The following FNDC1 variants were observed in gnomAD, a reference collection of about 807,000 sequenced individuals.
FNDC1 encodes fibronectin type III domain-containing protein 1.
A neutral mutation model predicts 168.0 loss-of-function variants in FNDC1; 96 were observed. The observed-to-expected ratio is 0.57, with a 90% CI of 0.48 to 0.68. FNDC1 has a LOEUF of 0.68. FNDC1 is among the 30% of genes least tolerant of loss of function. The pLI is 0.00. For missense variants in FNDC1, 2,587 were observed against 2,482.1 expected (o/e 1.04, Z -0.90); for synonymous variants, 1,099 against 1,025.9 (o/e 1.07, Z -1.36).
rs1783098605 is a variant in FNDC1, at chr6:159,232,160, G to A, written c.1648G>A (p.Glu550Lys). ...TGGGGAGGAGGAGCTGGGTTCCCGG[G>A]AGGACTCGCCCATGTCACCCTCAGA... ...ITGEEELGSR[E>K]DSPMSPSDTQ... The change falls in exon 11 of 23, where the codon GAG (glutamate) becomes AAG (lysine). Residue 550 changes from glutamate (E) to lysine (K), a missense_variant. By Grantham distance (56) the Glu-to-Lys change is moderately conservative. Coordinates refer to ENST00000297267, the MANE Select transcript of FNDC1 (RefSeq NM_032532.3). The surrounding 1 kb of genome is among the most constrained non-coding windows in gnomAD (Gnocchi z 4.9). The A allele has an allele frequency of 6.2e-6, 10 of 1,613,952 alleles. No individual in the cohort carries two copies. The highest frequency in any genetic ancestry group is 8.5e-6 in the Non-Finnish European group (10 of 1,179,886).
At position 159,272,022 on chromosome 6, in the gene FNDC1, TA is replaced by T. The variant is rs1486044220; in HGVS notation, c.*581del. ...CTTATTTGTAAATTCTCAATTTTGA[TA>T]TATATATGTATATATGCATATACAT... On this transcript the variant is annotated 3_prime_UTR_variant, in exon 23 of 23. Coordinates refer to ENST00000297267, the MANE Select transcript of FNDC1 (RefSeq NM_032532.3). 1.4e-4 allele frequency: 21 copies of T among 153,054 alleles called. No homozygotes were observed. The highest frequency in any genetic ancestry group is 4.3e-4 in the African/African-American group (18 of 41,458). 9.5% of individuals were successfully genotyped at this position (153,054 alleles called of 1,614,324 possible). A position where few individuals can be genotyped will look rare whatever the true frequency, so the allele number is the denominator to read the frequency against.
intron 1 of FNDC1, among the ~76,000 whole-genome samples, chr6:159,179,099 G>T (rs958395217): frequency 6.6e-6 from 1 of 152,230 alleles, no homozygotes; most frequent in African/African-American, 2.4e-5. Flanking sequence ...AATGTACGAG[G>T]CCTCTTCCAG....
At chr6:159,231,109 C>T (rs1176308539) in intron 10 of FNDC1, among the ~76,000 whole-genome samples, 2 of 28,632 alleles carry the variant, frequency 7.0e-5, no homozygotes, top group East Asian at 3.6e-4. Context: ...GGCGCGGTGG[C>T]TCACGCCTGT....
intron 10 of FNDC1, 62 bp from the exon 11 acceptor site, chr6:159,231,820 T>C: frequency 7.1e-7 from 1 of 1,406,794 alleles, no homozygotes; most frequent in Admixed American, 2.5e-5. Flanking sequence ...ATACTGTGTC[T>C]CACCTCCGCT....
In FNDC1 at chr6:159,271,399, T is replaced by A. The variant is rs1257605158; in HGVS notation, c.5642T>A (p.Val1881Glu). The change falls in exon 23 of 23, where the codon GTG becomes GAG. Residue 1881 changes from valine (V) to glutamate (E), a missense_variant. Physicochemically the swap from Val to Glu is moderately radical, Grantham distance 121 (BLOSUM62 -2). Coordinates refer to ENST00000297267, the MANE Select transcript of FNDC1 (RefSeq NM_032532.3). ...GGCTTCGGAACCCCCTACTACTATG[T>A]GGGCTGGTACGAGTGTGGGGTCTCC... ...NIGFGTPYYYVGWYECGVSIP... is the reference protein window; with the variant it reads ...NIGFGTPYYYEGWYECGVSIP... The A allele has an allele frequency of 1.2e-6, 2 of 1,612,568 alleles. No individual in the cohort carries two copies. The highest frequency in any genetic ancestry group is 1.7e-6 in the Non-Finnish European group (2 of 1,179,388).
At chr6:159,264,750 G>A (rs975439609) in intron 19 of FNDC1, among the ~76,000 whole-genome samples, 1 of 151,970 alleles carries the variant, frequency 6.6e-6, no homozygotes, top group Non-Finnish European at 1.5e-5. Context: ...CTATTTTCAG[G>A]GATCCACAGC....
rs1483120086 is a variant in FNDC1 at position 159,233,980 on chromosome 6, G to C, written c.3468G>C (p.Pro1156=). The C allele has an allele frequency of 1.3e-6, 2 of 1,597,614 alleles. No individual in the cohort carries two copies. Among genetic ancestry groups the C allele is most frequent in the Non-Finnish European group, 8.5e-7 (1 of 1,172,528 alleles). The change falls in exon 11 of 23, where the codon CCG becomes CCC. Residue 1156 remains proline (P), a synonymous_variant. Transcript: ENST00000297267. The surrounding 1 kb of genome is among the most constrained non-coding windows in gnomAD (Gnocchi z 4.6). Reference sequence around the variant, plus strand: ...CCCGGGTACCCAGCAGGGCAGCGCCGGGGAAGTCGGAGCCTCCTTCCAAGC... The same window carrying C: ...CCCGGGTACCCAGCAGGGCAGCGCCCGGGAAGTCGGAGCCTCCTTCCAAGC... ...SRARVPSRAA[P]GKSEPPSKRP...
chr6:159,269,589 GTCTGTCTGTCTATCTATCTA>G (rs1478733074), intron 22 of FNDC1, among the ~76,000 whole-genome samples: 32 of 100,868 alleles, frequency 3.2e-4, no homozygotes, highest in African/African-American at 1.0e-3. Flanking sequence ...CTGTCTGTCT[GTCTGTCTGTCTATCTATCTA>G]TCTATCTATC....
At chr6:159,228,536 G>C (rs1009638074) in intron 9 of FNDC1, among the ~76,000 whole-genome samples, 1 of 136,010 alleles carries the variant, frequency 7.4e-6, no homozygotes, top group Non-Finnish European at 1.5e-5. Context: ...AAGCATTTTT[G>C]GTTGAAACGT....
At chr6:159,200,711 G>A (rs1034211093) in intron 4 of FNDC1, 130 bp downstream of exon 4, 72 of 676,518 alleles carry the variant, frequency 1.1e-4, no homozygotes, top group Non-Finnish European at 8.0e-5. Flanking sequence ...TAACACACAC[G>A]CCACACAGTC....
At position 159,225,642 on chromosome 6, in the gene FNDC1, A is replaced by T; in HGVS notation, c.992A>T (p.Tyr331Phe). ...GAGAACCTGATTCCAGACACTGTGT[A>T]TGAATTTGCAGTCCGTATTTCACAG... ...LIENLIPDTVYEFAVRISQGE... is the reference protein window; with the variant it reads ...LIENLIPDTVFEFAVRISQGE... Residue 331 changes from tyrosine to phenylalanine, a missense_variant, in exon 8 of 23, where the codon TAT becomes TTT. By Grantham distance (22) the Tyr-to-Phe change is conservative. Transcript: ENST00000297267. 1.9e-6 allele frequency: 3 copies of T among 1,614,022 alleles called. No homozygotes were observed. Among genetic ancestry groups the T allele is most frequent in the Non-Finnish European group, 2.5e-6 (3 of 1,179,874 alleles).
chr6:159,251,587 C>A, intron 17 of FNDC1, 55 bp downstream of exon 17: 1 of 1,483,996 alleles, frequency 6.7e-7, no homozygotes, highest in Non-Finnish European at 9.3e-7. Flanking sequence ...GAAATGTGGA[C>A]AATAAAGAAT....
intron 11 of FNDC1, among the ~76,000 whole-genome samples, chr6:159,234,961 A>T (rs1783213379): frequency 6.6e-6 from 1 of 152,246 alleles, no homozygotes; most frequent in Non-Finnish European, 1.5e-5. Flanking sequence ...ATGTAGGCTT[A>T]TCTTGTTCTT....
At chr6:159,205,619 A>G (rs549054379) in intron 4 of FNDC1, among the ~76,000 whole-genome samples, 2 of 152,316 alleles carry the variant, frequency 1.3e-5, no homozygotes, top group Non-Finnish European at 2.9e-5. Context: ...GGATTCAACA[A>G]GAGGCTTCTA....
chr6:159,169,520 C>A lies in FNDC1; in HGVS notation c.-77C>A. 2.8e-6 allele frequency: 1 copy of A among 355,220 alleles called. No homozygotes were observed. The highest frequency in any genetic ancestry group is 4.2e-6 in the Non-Finnish European group (1 of 240,780). The allele number at this position is 355,220 out of a possible 1,614,324, so 22.0% of individuals were successfully genotyped here. A position where few individuals can be genotyped will look rare whatever the true frequency, so the allele number is the denominator to read the frequency against. On this transcript the variant is annotated 5_prime_UTR_variant, in exon 1 of 23. Transcript: ENST00000297267. The surrounding 1 kb of genome is among the most constrained non-coding windows in gnomAD (Gnocchi z 6.8). Reference sequence around the variant, plus strand: ...GGCGGCGGGGACCCGACGGCGGCGCCTCGGCACTCCCCAGACTCCGGCCAG... The same window carrying A: ...GGCGGCGGGGACCCGACGGCGGCGCATCGGCACTCCCCAGACTCCGGCCAG...
At chr6:159,213,701 CAA>C (rs58561910) in intron 4 of FNDC1, among the ~76,000 whole-genome samples, 2,006 of 138,180 alleles carry the variant, frequency 0.015, 51 homozygotes, top group African/African-American at 0.049. Context: ...GGACTAAAAA[CAA>C]AAAAAAAAAA....
intron 1 of FNDC1, among the ~76,000 whole-genome samples, chr6:159,194,329 G>A (rs993214387): frequency 6.6e-6 from 1 of 152,102 alleles, no homozygotes; most frequent in African/African-American, 2.4e-5. Flanking sequence ...ATTGATGTTT[G>A]GGTTTGTCAT....
chr6:159,235,079 A>C (rs557963901), intron 11 of FNDC1, among the ~76,000 whole-genome samples: 5 of 152,244 alleles, frequency 3.3e-5, no homozygotes, highest in Non-Finnish European at 7.3e-5. Flanking sequence ...CAATTAGTGC[A>C]TGTTGTCTAA....
intron 14 of FNDC1, among the ~76,000 whole-genome samples, chr6:159,244,139 AG>A (rs1783490289): frequency 6.6e-6 from 1 of 152,236 alleles, no homozygotes. Flanking sequence ...AATGAGGAAA[AG>A]CAAGACGACA....
Sources: allele counts gnomAD v4.1 joint callset (sites outside exome capture counted in the v4.1 genomes callset), GRCh38; gene constraint gnomAD v4.1.1; non-coding constraint Gnocchi (gnomAD v3.1); transcripts MANE v1.5; gene names NCBI Gene and HGNC (gene_info 2026-07-23, HGNC 2026-07-21).